CRYBG1: variants seen among roughly 807,000 people sequenced by gnomAD.
The protein encoded by CRYBG1 is beta/gamma crystallin domain-containing protein 1.
In CRYBG1, 139 loss-of-function variants were observed where a neutral mutation model predicts 189.2. That is an observed-to-expected ratio of 0.73 (90% CI 0.64 to 0.85). The LOEUF (loss-of-function observed/expected upper bound fraction) is 0.85. Ranked by LOEUF, CRYBG1 falls within the 40% of genes least tolerant of loss-of-function variation. The pLI, the probability that CRYBG1 is intolerant of heterozygous loss-of-function variation, is 0.00. For synonymous variants in CRYBG1, 1,023 were observed against 1,017.1 expected (o/e 1.01, Z -0.11); for missense variants, 2,611 against 2,675.8 (o/e 0.98, Z 0.53).
chr6:106,465,841 G>A (rs563687639), intron 2 of CRYBG1, among the ~76,000 whole-genome samples: 37 of 151,998 alleles, frequency 2.4e-4, no homozygotes, highest in Non-Finnish European at 4.7e-4. Flanking sequence ...TTTATATCTT[G>A]TAATTACTCT....
chr6:106,484,276 C>T (rs58329486), intron 2 of CRYBG1, among the ~76,000 whole-genome samples: 18,460 of 152,026 alleles, frequency 0.12, 1,313 homozygotes, highest in East Asian at 0.27. Context: ...TCAGGTAGTG[C>T]GATGCCTCCA....
intron 20 of CRYBG1, among the ~76,000 whole-genome samples, chr6:106,562,341 G>T (rs1052249191): frequency 1.3e-5 from 2 of 152,140 alleles, no homozygotes; most frequent in Non-Finnish European, 2.9e-5. Context: ...TTCTGCCTTT[G>T]AATTGTCTTA....
At chr6:106,490,029 C>A (rs7751527) in intron 2 of CRYBG1, among the ~76,000 whole-genome samples, 1 of 152,018 alleles carries the variant, frequency 6.6e-6, no homozygotes, top group Non-Finnish European at 1.5e-5. Flanking sequence ...TTGTCTTCTA[C>A]GGAGAGACTC....
chr6:106,558,585 T>G lies in CRYBG1; in HGVS notation c.5815T>G (p.Phe1939Val). The G allele has an allele frequency of 1.9e-6, 3 of 1,613,858 alleles. No homozygotes were observed. Among genetic ancestry groups the G allele is most frequent in the Non-Finnish European group, 2.5e-6 (3 of 1,179,868 alleles). ...AACTGTCAATCTCCGATCCCTGGGATTCAACACACAAATACGCTCTGTTCA... is the reference window on the plus strand; with the variant it reads ...AACTGTCAATCTCCGATCCCTGGGAGTCAACACACAAATACGCTCTGTTCA... Reference protein sequence around the residue: ...AETVNLRSLGFNTQIRSVQVI... With the variant: ...AETVNLRSLGVNTQIRSVQVI... Residue 1939 changes from phenylalanine to valine, a missense_variant, in exon 18 of 22, where the codon TTC becomes GTC. Physicochemically the swap from Phe to Val is conservative, Grantham distance 50. Around this residue, in one of 3 missense-constraint regions of CRYBG1, gnomAD observed 1,622 missense variants for 1,735.0 expected, o/e 0.93. Transcript: ENST00000633556.
intron 1 of CRYBG1, among the ~76,000 whole-genome samples, chr6:106,391,386 C>T (rs1441142499): frequency 6.6e-6 from 1 of 152,060 alleles, no homozygotes; most frequent in Non-Finnish European, 1.5e-5. Context: ...CCATCCAGTT[C>T]TTTTAATTTT....
At chr6:106,527,765 G>C (rs1047040108) in intron 7 of CRYBG1, among the ~76,000 whole-genome samples, 5 of 152,074 alleles carry the variant, frequency 3.3e-5, no homozygotes, top group African/African-American at 1.2e-4. Flanking sequence ...CTGCCTCTAT[G>C]AACAGGTTTT....
intron 1 of CRYBG1, among the ~76,000 whole-genome samples, chr6:106,442,488 T>G (rs922456959): frequency 6.6e-6 from 1 of 152,180 alleles, no homozygotes; most frequent in Admixed American, 6.6e-5. Flanking sequence ...TCAAAGTGTG[T>G]GCCATCACCA....
chr6:106,492,564 A>G (rs1772748369), intron 2 of CRYBG1, among the ~76,000 whole-genome samples: 1 of 152,056 alleles, frequency 6.6e-6, no homozygotes, highest in Non-Finnish European at 1.5e-5. Context: ...GAAGGAAGGA[A>G]GGAAGGACCG....
intron 1 of CRYBG1, among the ~76,000 whole-genome samples, chr6:106,400,576 G>A (rs1770703700): frequency 6.6e-6 from 1 of 152,138 alleles, no homozygotes; most frequent in African/African-American, 2.4e-5. Context: ...GAAACTGAAT[G>A]ACTTAACAGC....
intron 2 of CRYBG1, among the ~76,000 whole-genome samples, chr6:106,461,170 G>A (rs1772002718): frequency 6.6e-6 from 1 of 152,168 alleles, no homozygotes; most frequent in Admixed American, 6.5e-5. Context: ...ATCAGGAACT[G>A]AAAGCATTTA....
rs372093202 is a variant in CRYBG1, at chr6:106,491,540, C to T, written c.313-19890C>T. Among the ~76,000 whole-genome samples the T allele has an allele frequency of 1.0e-3, 158 of 152,262 alleles. 5 individuals are homozygous for T. In the South Asian group the frequency reaches 0.032, roughly 31 times the overall value. On this transcript the variant is annotated intron_variant, in intron 2 of 21. Transcript: ENST00000633556. ...GACCCAAGCTGGACTCCCTACCCTC[C>T]GACGGAGCTCTCCAGTGCTCTTCCA... is the stretch of plus-strand genomic sequence containing the variant.
intron 2 of CRYBG1, among the ~76,000 whole-genome samples, chr6:106,486,235 T>C (rs1046627547): frequency 6.6e-6 from 1 of 152,036 alleles, no homozygotes; most frequent in African/African-American, 2.4e-5. Flanking sequence ...TCAAAGAACA[T>C]ATTATTTAAT....
intron 15 of CRYBG1, chr6:106,552,429 G>T (rs1339214526): frequency 1.6e-5 from 4 of 246,030 alleles, no homozygotes; most frequent in Non-Finnish European, 3.1e-5. Context: ...TTACTAAAAA[G>T]ACAAAAATTA....
At chr6:106,452,689 T>C (rs1351300783) in intron 2 of CRYBG1, among the ~76,000 whole-genome samples, 1 of 152,224 alleles carries the variant, frequency 6.6e-6, no homozygotes, top group African/African-American at 2.4e-5. Flanking sequence ...TCTAGATGCT[T>C]GTACAGAAAG....
chr6:106,502,638 C>A (rs1773033513), intron 2 of CRYBG1, among the ~76,000 whole-genome samples: 1 of 152,172 alleles, frequency 6.6e-6, no homozygotes, highest in Non-Finnish European at 1.5e-5. Context: ...GTTGGGGAGA[C>A]TATTCAAAGT....
intron 1 of CRYBG1, among the ~76,000 whole-genome samples, chr6:106,389,552 A>G (rs927263812): frequency 6.6e-6 from 1 of 152,164 alleles, no homozygotes; most frequent in Non-Finnish European, 1.5e-5. Flanking sequence ...TGCATTAAAA[A>G]GCAAGGTGTT....
At chr6:106,421,256 A>G (rs1016370780) in intron 1 of CRYBG1, among the ~76,000 whole-genome samples, 1 of 152,212 alleles carries the variant, frequency 6.6e-6, no homozygotes, top group African/African-American at 2.4e-5. Flanking sequence ...AGATATGAGC[A>G]TAAGAATGGA....
At chr6:106,376,340 G>A (rs980127052) in intron 1 of CRYBG1, among the ~76,000 whole-genome samples, 1 of 151,940 alleles carries the variant, frequency 6.6e-6, no homozygotes, top group South Asian at 2.1e-4. Context: ...TCCACATCTT[G>A]AACCTCAGTC....
rs1267314441 is a variant in CRYBG1, at chr6:106,394,913, T to G, written c.173+33832T>G. 2.7e-5 allele frequency among the ~76,000 whole-genome samples: 4 copies of G among 150,208 alleles called. No individual in the cohort carries two copies. In the East Asian group the frequency reaches 7.9e-4, roughly 30 times the overall value. On this transcript the variant is annotated intron_variant, in intron 1 of 21. Transcript: ENST00000633556. Reference sequence around the variant, plus strand: ...TTCTATCACCCAGGCTGGAGTACAGTGGTATAATCTCAGCTCACTACAACC... The same window carrying G: ...TTCTATCACCCAGGCTGGAGTACAGGGGTATAATCTCAGCTCACTACAACC...
Sources: gnomAD v4.1 joint callset for allele counts (sites outside exome capture counted in the v4.1 genomes callset) on GRCh38, gnomAD v4.1.1 for gene constraint, gnomAD v4.1.1 regional missense constraint, MANE v1.5 for transcripts, NCBI Gene and HGNC (gene_info 2026-07-23, HGNC 2026-07-21) for gene names.